Variants in TMEM132C observed in about 807,000 individuals in gnomAD.
TMEM132C encodes protein phosphatase 1, regulatory subunit 152.
Under a neutral mutation model 61.4 loss-of-function variants are expected in TMEM132C, and 29 were observed. The ratio of observed to expected loss-of-function variants is 0.47; its 90% CI spans 0.35 to 0.64. The LOEUF is 0.64. Among genes scored for constraint, TMEM132C ranks in the 30% least tolerant of loss-of-function variants. TMEM132C has a pLI of 0.00. For missense variants in TMEM132C, 1,408 were observed against 1,476.9 expected, an observed-to-expected ratio of 0.95 and a Z score of 0.76; for synonymous variants, 656 against 633.1, an observed-to-expected ratio of 1.04 and a Z score of -0.54.
chr12:128,589,834 C>T (rs1875688881), intron 3 of TMEM132C, among the ~76,000 whole-genome samples: 1 of 152,088 alleles, frequency 6.6e-6, no homozygotes, highest in Admixed American at 6.6e-5. Flanking sequence ...GTTTTCTCAC[C>T]TGTAAAGTGG....
At chr12:128,608,000 G>A (rs562312145) in intron 3 of TMEM132C, among the ~76,000 whole-genome samples, 2 of 152,028 alleles carry the variant, frequency 1.3e-5, no homozygotes, top group Admixed American at 1.3e-4. Context: ...GGGAAGGAAG[G>A]GATGCAAATG....
intron 2 of TMEM132C, among the ~76,000 whole-genome samples, chr12:128,518,728 G>A (rs974067498): frequency 6.6e-6 from 1 of 152,040 alleles, no homozygotes; most frequent in Non-Finnish European, 1.5e-5. Context: ...ATGTGTGTGT[G>A]TGTGCATGTG....
chr12:128,647,683 T>G (rs928565124), intron 4 of TMEM132C, among the ~76,000 whole-genome samples: 1 of 151,072 alleles, frequency 6.6e-6, no homozygotes, highest in African/African-American at 2.5e-5. Context: ...TCCATCAGCG[T>G]TGGATGTGAG....
At chr12:128,572,093 C>T (rs1428332910) in intron 3 of TMEM132C, among the ~76,000 whole-genome samples, 1 of 152,014 alleles carries the variant, frequency 6.6e-6, no homozygotes, top group East Asian at 1.9e-4. Flanking sequence ...TGTCACATGC[C>T]CACTGTGGCC....
chr12:128,558,593 C>T (rs1001891436), intron 3 of TMEM132C, among the ~76,000 whole-genome samples: 4 of 152,234 alleles, frequency 2.6e-5, no homozygotes, highest in Non-Finnish European at 5.9e-5. Flanking sequence ...TTACTAGCAG[C>T]ATGAGAATAG....
chr12:128,417,909 T>G (rs1868836400), intron 2 of TMEM132C, among the ~76,000 whole-genome samples: 1 of 152,198 alleles, frequency 6.6e-6, no homozygotes, highest in South Asian at 2.1e-4. Flanking sequence ...CTTTGTATAA[T>G]GACAGGAGTA....
chr12:128,485,472 C>T (rs1037656125), intron 2 of TMEM132C, among the ~76,000 whole-genome samples: 9 of 152,142 alleles, frequency 5.9e-5, no homozygotes, highest in Non-Finnish European at 1.2e-4. Flanking sequence ...CCACCACAGC[C>T]GGCCTCCCAT....
In TMEM132C at chr12:128,541,449, A is replaced by T. The variant is rs139931295; in HGVS notation, c.975-2508A>T. Among the ~76,000 whole-genome samples the T allele has an allele frequency of 1.7e-3, 253 of 152,280 alleles. 2 individuals are homozygous for T. Among genetic ancestry groups the T allele is most frequent in the African/African-American group, 5.7e-3 (235 of 41,550 alleles). ...GATGGGCTGAAAGTCCAAACCCTCT[A>T]TTCTTGCCTTGGTCTTTCTGGTGAC... On this transcript the variant is annotated intron_variant, in intron 2 of 8. Coordinates refer to ENST00000435159, the MANE Select transcript of TMEM132C (RefSeq NM_001136103.3).
At chr12:128,472,072 G>A (rs1368980040) in intron 2 of TMEM132C, among the ~76,000 whole-genome samples, 1 of 152,152 alleles carries the variant, frequency 6.6e-6, no homozygotes, top group Non-Finnish European at 1.5e-5. Flanking sequence ...GCTTCCCCAA[G>A]AGACCTGCAG....
At chr12:128,291,192 A>G (rs1000703293) in intron 1 of TMEM132C, among the ~76,000 whole-genome samples, 1 of 152,234 alleles carries the variant, frequency 6.6e-6, no homozygotes, top group Admixed American at 6.5e-5. Context: ...TTCCCCTGCA[A>G]GTACATCCAA....
intron 3 of TMEM132C, among the ~76,000 whole-genome samples, chr12:128,560,173 G>A (rs549810743): frequency 6.6e-6 from 1 of 152,374 alleles, no homozygotes; most frequent in South Asian, 2.1e-4. Context: ...CTTCAGCCCA[G>A]GCGACAGAAG....
intron 5 of TMEM132C, among the ~76,000 whole-genome samples, chr12:128,678,881 A>G (rs1954613399): frequency 6.6e-6 from 1 of 152,118 alleles, no homozygotes; most frequent in Non-Finnish European, 1.5e-5. Flanking sequence ...CTGTGGGAGG[A>G]CGCTCATTGC....
chr12:128,610,913 G>A (rs1325268748), intron 3 of TMEM132C, among the ~76,000 whole-genome samples: 3 of 152,114 alleles, frequency 2.0e-5, no homozygotes, highest in Admixed American at 6.5e-5. Context: ...TTCGTTCTCA[G>A]GAAGCTCCTG....
intron 3 of TMEM132C, among the ~76,000 whole-genome samples, chr12:128,591,917 T>A (rs995701573): frequency 6.6e-6 from 1 of 151,824 alleles, no homozygotes; most frequent in African/African-American, 2.4e-5. Flanking sequence ...CCAGGCATGG[T>A]GGCACATGTC....
intron 3 of TMEM132C, among the ~76,000 whole-genome samples, chr12:128,607,750 C>T (rs753328411): frequency 1.3e-5 from 2 of 152,116 alleles, no homozygotes; most frequent in East Asian, 1.9e-4. Flanking sequence ...CCTGTGTGCC[C>T]GACTCTTTGG....
chr12:128,700,800 T>G (rs1253640074), intron 8 of TMEM132C, among the ~76,000 whole-genome samples: 1 of 152,208 alleles, frequency 6.6e-6, no homozygotes, highest in Non-Finnish European at 1.5e-5. Flanking sequence ...ATTGTGTGAT[T>G]CATCAGCTGA....
rs772768160 is a variant in TMEM132C at position 128,705,238 on chromosome 12, T to C, written c.2270T>C (p.Val757Ala). 1.4e-5 allele frequency: 22 copies of C among 1,551,574 alleles called. No individual in the cohort carries two copies. The South Asian group carries it at 2.0e-4, about 14-fold the overall frequency. Residue 757 changes from valine (V) to alanine (A), a missense_variant, in exon 9 of 9, where the codon GTT becomes GCT. By Grantham distance (64) the Val-to-Ala change is moderately conservative. Transcript: ENST00000435159. ...CAGCCCCGCTCTCCCAGGTGGCCCGTTGTGGTGGCCGAAGGGGAAGGCCAG... is the reference window on the plus strand; with the variant it reads ...CAGCCCCGCTCTCCCAGGTGGCCCGCTGTGGTGGCCGAAGGGGAAGGCCAG... ...VPQPRSPRWP[V>A]VVAEGEGQGP...
chr12:128,408,532 C>T (rs574488217), intron 1 of TMEM132C, among the ~76,000 whole-genome samples: 14 of 152,226 alleles, frequency 9.2e-5, no homozygotes, highest in East Asian at 3.9e-4. Flanking sequence ...ATAAATACCT[C>T]AAAATAAAAG....
chr12:128,318,783 G>A (rs1246488841), intron 1 of TMEM132C, among the ~76,000 whole-genome samples: 1 of 152,162 alleles, frequency 6.6e-6, no homozygotes, highest in Non-Finnish European at 1.5e-5. Flanking sequence ...TTGCATTCTA[G>A]CATAGCAGCC....
Sources: allele counts gnomAD v4.1 joint callset (sites outside exome capture counted in the v4.1 genomes callset), GRCh38; gene constraint gnomAD v4.1.1; transcripts MANE v1.5; gene names NCBI Gene and HGNC (gene_info 2026-07-23, HGNC 2026-07-21).